HLCS: variants seen among roughly 807,000 people sequenced by gnomAD.
HLCS encodes biotin--protein ligase.
A neutral mutation model predicts 75.0 loss-of-function variants in HLCS; 53 were observed. The ratio of observed to expected loss-of-function variants is 0.71; its 90% CI spans 0.57 to 0.89. The LOEUF is 0.89. Among genes scored for constraint, HLCS ranks in the 40% least tolerant of loss-of-function variants. HLCS has a pLI of 0.00. For missense variants in HLCS, 966 were observed against 1,074.0 expected (o/e 0.90, Z 1.41); for synonymous variants, 431 against 428.6 (o/e 1.01, Z -0.07).
chr21:36,842,814 T>C lies in HLCS; in HGVS notation c.1892+54046A>G, dbSNP rs565749653. Among the ~76,000 whole-genome samples, 25 of 152,246 alleles carry C rather than the reference T, an allele frequency of 1.6e-4. No individual in the cohort carries two copies. Among genetic ancestry groups the C allele is most frequent in the Middle Eastern group, 3.4e-3 (1 of 294 alleles). On this transcript the variant is annotated intron_variant, in intron 6 of 10. Coordinates refer to ENST00000674895, the MANE Select transcript of HLCS (RefSeq NM_001352514.2). This position sits in a 1 kb window ranked among gnomAD's most constrained non-coding sequence, Gnocchi z 4.2. ...ACAATTCAAGGCCACGAATCCAGGG[T>C]AGCCCACACCACCCTACTCTGAGGC... is the stretch of plus-strand genomic sequence containing the variant.
intron 5 of HLCS, among the ~76,000 whole-genome samples, chr21:36,920,414 A>C (rs966586363): frequency 6.6e-6 from 1 of 152,028 alleles, no homozygotes; most frequent in Non-Finnish European, 1.5e-5. Context: ...GATGCAAAAA[A>C]TAAAAATAAA....
At chr21:36,927,061 G>A (rs111344177) in intron 5 of HLCS, among the ~76,000 whole-genome samples, 79 of 152,268 alleles carry the variant, frequency 5.2e-4, no homozygotes, top group Non-Finnish European at 9.3e-4. Flanking sequence ...TTCTTTCTAC[G>A]GAGATAGGTG....
chr21:36,961,327 G>T (rs2068279446), intron 2 of HLCS, among the ~76,000 whole-genome samples: 1 of 152,132 alleles, frequency 6.6e-6, no homozygotes, highest in Non-Finnish European at 1.5e-5. Context: ...AATATAACGT[G>T]AGCCACAAAT....
intron 6 of HLCS, among the ~76,000 whole-genome samples, chr21:36,801,040 T>C (rs1361376131): frequency 1.3e-5 from 2 of 152,152 alleles, no homozygotes; most frequent in Non-Finnish European, 2.9e-5. Context: ...TGAATGGAGA[T>C]TGTATTATGG....
Position 36,898,491 on chromosome 21 carries a change from G to A in HLCS, c.1621-1360C>T, listed in dbSNP as rs1348945769. Among the ~76,000 whole-genome samples the A allele has an allele frequency of 5.6e-5, 7 of 125,058 alleles. 1 individual carries two copies. Among genetic ancestry groups the A allele is most frequent in the Admixed American group, 2.3e-4 (3 of 12,940 alleles). The allele number at this position is 125,058 out of a possible 152,430, so 82.0% of individuals were successfully genotyped here. ...AGACAAGAAAAGAAAGCATTCAGAA[G>A]AAATCCAGGGGATAAAACATTTTAC... On this transcript the variant is annotated intron_variant, in intron 5 of 10. Transcript: ENST00000674895.
At chr21:36,848,711 C>CT in intron 6 of HLCS, among the ~76,000 whole-genome samples, 1 of 152,230 alleles carries the variant, frequency 6.6e-6, no homozygotes, top group South Asian at 2.1e-4. Context: ...CTGCCTTTTT[C>CT]TTTTATCATT....
rs368657918 is a variant in HLCS, at chr21:36,919,459, T to C, written c.1620+10792A>G. ...TGTCCTGAGTTGAACGATGGAGAAG[T>C]AGAAAGAGATGCTCAAAGTGTTCCC... is the stretch of plus-strand genomic sequence containing the variant. On this transcript the variant is annotated intron_variant, in intron 5 of 10. Transcript: ENST00000674895. Among the ~76,000 whole-genome samples the C allele has an allele frequency of 9.9e-5, 15 of 152,268 alleles. No individual in the cohort carries two copies. The East Asian group carries it at 1.9e-3, about 20-fold the overall frequency.
intron 5 of HLCS, among the ~76,000 whole-genome samples, chr21:36,924,190 A>C (rs1180036563): frequency 1.3e-5 from 2 of 152,278 alleles, no homozygotes; most frequent in Admixed American, 1.3e-4. Context: ...GAAGGGGAGG[A>C]CTCCACATCA....
intron 6 of HLCS, among the ~76,000 whole-genome samples, chr21:36,853,911 G>A (rs2063097991): frequency 6.6e-6 from 1 of 152,108 alleles, no homozygotes; most frequent in African/African-American, 2.4e-5. Context: ...ATTTGTTTTT[G>A]TTGTAGAAAA....
At chr21:36,911,200 C>T (rs115232075) in intron 5 of HLCS, among the ~76,000 whole-genome samples, 1,747 of 152,274 alleles carry the variant, frequency 0.011, 23 homozygotes, top group African/African-American at 0.036. Flanking sequence ...GTGGAGAACG[C>T]GCTCCAGCTG....
intron 6 of HLCS, among the ~76,000 whole-genome samples, chr21:36,806,469 C>T (rs927236939): frequency 6.6e-6 from 1 of 150,822 alleles, no homozygotes; most frequent in Non-Finnish European, 1.5e-5. Context: ...GTGAGGTTTC[C>T]GAAAAAAAAA....
chr21:36,792,312 G>T (rs1390828055), intron 6 of HLCS, among the ~76,000 whole-genome samples: 2 of 152,098 alleles, frequency 1.3e-5, no homozygotes, highest in Non-Finnish European at 2.9e-5. Flanking sequence ...ACCAGGGACG[G>T]CTGCCATCTG....
intron 6 of HLCS, among the ~76,000 whole-genome samples, chr21:36,814,312 A>C (rs2061596629): frequency 6.6e-6 from 1 of 152,222 alleles, no homozygotes; most frequent in African/African-American, 2.4e-5. Flanking sequence ...CTGTCTCCCC[A>C]AAAGGGCTAT....
At chr21:36,941,206 T>C (rs910187282) in intron 2 of HLCS, among the ~76,000 whole-genome samples, 7 of 152,130 alleles carry the variant, frequency 4.6e-5, no homozygotes, top group African/African-American at 1.7e-4. Flanking sequence ...AGCAAGACTC[T>C]GTCTCAATCA....
chr21:36,849,554 C>T (rs2062916632), intron 6 of HLCS, among the ~76,000 whole-genome samples: 1 of 152,132 alleles, frequency 6.6e-6, no homozygotes, highest in Non-Finnish European at 1.5e-5. Flanking sequence ...GGATGCCAGC[C>T]AGTGTGGCAA....
At chr21:36,907,882 A>G (rs1374185719) in intron 5 of HLCS, among the ~76,000 whole-genome samples, 1 of 152,220 alleles carries the variant, frequency 6.6e-6, no homozygotes, top group East Asian at 1.9e-4. Context: ...CAATAAGCAC[A>G]TGAAGAAATG....
intron 2 of HLCS, among the ~76,000 whole-genome samples, chr21:36,958,350 C>T (rs955167799): frequency 1.3e-5 from 2 of 152,136 alleles, no homozygotes; most frequent in African/African-American, 4.8e-5. Flanking sequence ...GACACAAGTA[C>T]TGTTTGACTG....
chr21:36,888,446 ATATATATATATATATATATAT>A (rs1484146856), intron 6 of HLCS, among the ~76,000 whole-genome samples: 20,499 of 70,526 alleles, frequency 0.29, 3,947 homozygotes, highest in South Asian at 0.48. Context: ...AAAAAAAAAA[ATATATATATATATATATATAT>A]ATATATATAT....
intron 6 of HLCS, among the ~76,000 whole-genome samples, chr21:36,885,261 C>A (rs1223989062): frequency 3.3e-5 from 5 of 152,152 alleles, no homozygotes; most frequent in Non-Finnish European, 7.3e-5. Flanking sequence ...AATCCCAGCA[C>A]TTTGGGAGGC....
Sources: allele counts gnomAD v4.1 joint callset (sites outside exome capture counted in the v4.1 genomes callset), GRCh38; gene constraint gnomAD v4.1.1; non-coding constraint Gnocchi (gnomAD v3.1); transcripts MANE v1.5; gene names NCBI Gene and HGNC (gene_info 2026-07-23, HGNC 2026-07-21).